The following CCL28 variants were observed in gnomAD, a reference collection of about 807,000 sequenced individuals.
The protein encoded by CCL28 is C-C motif chemokine 28.
A neutral mutation model predicts 7.1 loss-of-function variants in CCL28; 4 were observed. The ratio of observed to expected loss-of-function variants is 0.56; its 90% CI spans 0.28 to 1.29. The LOEUF (loss-of-function observed/expected upper bound fraction) is 1.29. Among genes scored for constraint, CCL28 ranks in the 50% most tolerant of loss-of-function variants. The pLI is 0.11. For missense variants in CCL28, 151 were observed against 163.4 expected (o/e 0.92, Z 0.41); for synonymous variants, 55 against 57.8 (o/e 0.95, Z 0.22).
At chr5:43,367,365 A>C in the CCL28 span, among the ~76,000 whole-genome samples, 14 of 152,166 alleles carry the variant, frequency 9.2e-5, no homozygotes, top group African/African-American at 3.4e-4. Flanking sequence ...TGGTGACATA[A>C]GCACCCAAGG....
At chr5:43,359,155 G>A in the CCL28 span, among the ~76,000 whole-genome samples, 1 of 152,280 alleles carries the variant, frequency 6.6e-6, no homozygotes, top group East Asian at 1.9e-4. Context: ...GCTCGGTTGT[G>A]GAGACCCTAA....
At chr5:43,401,918 C>T (rs1158164502) in intron 1 of CCL28, among the ~76,000 whole-genome samples, 1 of 152,138 alleles carries the variant, frequency 6.6e-6, no homozygotes, top group Non-Finnish European at 1.5e-5. Flanking sequence ...AGGGGGTTTT[C>T]CTTCCTGGCT....
intron 1 of CCL28, among the ~76,000 whole-genome samples, chr5:43,405,481 G>A (rs1368571773): frequency 6.6e-6 from 1 of 152,144 alleles, no homozygotes; most frequent in East Asian, 1.9e-4. Flanking sequence ...AGAATCTCTG[G>A]GACACATTTT....
At chr5:43,361,588 G>A in the CCL28 span, among the ~76,000 whole-genome samples, 1 of 152,170 alleles carries the variant, frequency 6.6e-6, no homozygotes, top group Non-Finnish European at 1.5e-5. Flanking sequence ...GAATGGCACT[G>A]CCTAGGTTGT....
intron 1 of CCL28, among the ~76,000 whole-genome samples, chr5:43,396,712 T>TA (rs1163039980): frequency 1.3e-5 from 2 of 150,006 alleles, no homozygotes; most frequent in Non-Finnish European, 3.0e-5. Flanking sequence ...TGTGTTCAAC[T>TA]AAAAACCCGG....
At chr5:43,359,007 C>T in the CCL28 span, among the ~76,000 whole-genome samples, 9,596 of 152,186 alleles carry the variant, frequency 0.063, 686 homozygotes, top group African/African-American at 0.18. Context: ...TAATCCCTTC[C>T]TAAAACTGAT....
intron 2 of CCL28, among the ~76,000 whole-genome samples, chr5:43,382,486 T>G (rs1400269871): frequency 2.0e-5 from 3 of 152,156 alleles, no homozygotes; most frequent in Non-Finnish European, 4.4e-5. Context: ...TCCGTAAGGA[T>G]TTGTAGATTC....
At chr5:43,411,136 A>G (rs1422705430) in intron 1 of CCL28, among the ~76,000 whole-genome samples, 2 of 152,196 alleles carry the variant, frequency 1.3e-5, no homozygotes, top group East Asian at 3.9e-4. Context: ...TTAAAATCCA[A>G]TTTGTATGTG....
chr5:43,371,403 C>T, the CCL28 span, among the ~76,000 whole-genome samples: 2 of 152,328 alleles, frequency 1.3e-5, no homozygotes, highest in East Asian at 3.9e-4. Flanking sequence ...CACATGGTAT[C>T]AGATTTGGTC....
At chr5:43,364,508 T>A in the CCL28 span, among the ~76,000 whole-genome samples, 3 of 152,210 alleles carry the variant, frequency 2.0e-5, no homozygotes, top group Non-Finnish European at 2.9e-5. Flanking sequence ...AAGAATTTTT[T>A]AAAAATATCA....
chr5:43,375,137 C>T (rs1739860910), downstream of CCL28, among the ~76,000 whole-genome samples: 3 of 151,766 alleles, frequency 2.0e-5, 1 homozygote, highest in South Asian at 6.3e-4. Flanking sequence ...TTACAGGTGC[C>T]TGCCACCATG....
chr5:43,398,724 G>T (rs1220426507), intron 1 of CCL28, among the ~76,000 whole-genome samples: 1 of 152,072 alleles, frequency 6.6e-6, no homozygotes, highest in African/African-American at 2.4e-5. Flanking sequence ...GGTGGCAGAC[G>T]CCAGTAATTC....
chr5:43,374,492 A>C (rs890647214), downstream of CCL28, among the ~76,000 whole-genome samples: 7 of 152,198 alleles, frequency 4.6e-5, no homozygotes, highest in African/African-American at 1.7e-4. Flanking sequence ...TGATAGTATA[A>C]AAATTCAAGG....
At chr5:43,358,485 T>C in the CCL28 span, among the ~76,000 whole-genome samples, 1 of 152,204 alleles carries the variant, frequency 6.6e-6, no homozygotes, top group African/African-American at 2.4e-5. Context: ...CTCTTCTCGT[T>C]TGTTGGAAGG....
intron 1 of CCL28, among the ~76,000 whole-genome samples, chr5:43,404,086 C>T (rs976837008): frequency 6.6e-6 from 1 of 152,228 alleles, no homozygotes; most frequent in Non-Finnish European, 1.5e-5. Flanking sequence ...AAACACTCTT[C>T]AGGATATCAT....
chr5:43,370,736 TTC>T, the CCL28 span, among the ~76,000 whole-genome samples: 37 of 100,120 alleles, frequency 3.7e-4, no homozygotes, highest in Admixed American at 4.8e-4. Context: ...TTATCTCTCT[TTC>T]TCTCTCTTTT....
downstream of CCL28, among the ~76,000 whole-genome samples, chr5:43,372,877 C>T (rs192280804): frequency 6.6e-6 from 1 of 151,814 alleles, no homozygotes; most frequent in African/African-American, 2.4e-5. Flanking sequence ...TTCCTCACTG[C>T]AAACTCTGCC....
chr5:43,396,804 T>C (rs114012346), intron 1 of CCL28, among the ~76,000 whole-genome samples: 261 of 152,308 alleles, frequency 1.7e-3, no homozygotes, highest in African/African-American at 6.1e-3. Flanking sequence ...CACGACGTTA[T>C]GGCGCTTTGA....
chr5:43,370,606 A>G, the CCL28 span, among the ~76,000 whole-genome samples: 1 of 152,020 alleles, frequency 6.6e-6, no homozygotes, highest in Non-Finnish European at 1.5e-5. Flanking sequence ...GTTATGTTGC[A>G]CTGGGTCACT....
Sources: gnomAD v4.1 joint callset for allele counts (sites outside exome capture counted in the v4.1 genomes callset) on GRCh38, gnomAD v4.1.1 for gene constraint, MANE v1.5 for transcripts, NCBI Gene and HGNC (gene_info 2026-07-23, HGNC 2026-07-21) for gene names.